The following DENND5B variants were observed in gnomAD, a reference collection of about 807,000 sequenced individuals.
DENND5B encodes the protein DENN domain containing 5B.
DENND5B carries 34 observed loss-of-function variants against 140.6 expected under a neutral mutation model. The observed-to-expected ratio is 0.24, with a 90% CI of 0.18 to 0.32. DENND5B has a LOEUF of 0.32. Ranked by LOEUF, DENND5B falls within the 10% of genes least tolerant of loss-of-function variation. The pLI, the probability that DENND5B is intolerant of heterozygous loss-of-function variation, is 1.00. For synonymous variants in DENND5B, 551 were observed against 562.1 expected (o/e 0.98, Z 0.28); for missense variants, 1,142 against 1,560.2 (o/e 0.73, Z 4.52).
chr12:31,496,902 T>G (rs7313118), intron 1 of DENND5B, among the ~76,000 whole-genome samples: 84,946 of 151,808 alleles, frequency 0.56, 24,217 homozygotes, highest in East Asian at 0.82. Flanking sequence ...ATCAAGGAAC[T>G]AGAAGATCTT....
chr12:31,424,737 A>G (rs760042694), intron 9 of DENND5B, 50 bp from the exon 10 acceptor site: 1 of 1,586,170 alleles, frequency 6.3e-7, no homozygotes, highest in Non-Finnish European at 8.6e-7. Context: ...GAAACCAAAA[A>G]CCAACAAGTC....
At chr12:31,568,586 T>C (rs1949710223) in intron 1 of DENND5B, among the ~76,000 whole-genome samples, 1 of 152,168 alleles carries the variant, frequency 6.6e-6, no homozygotes, top group Admixed American at 6.5e-5. Context: ...AAATCTCTTC[T>C]AAGGAAGGTG....
At chr12:31,392,717 G>A (rs1941213769) in intron 17 of DENND5B, 21 bp from the exon 18 acceptor site, 1 of 1,545,604 alleles carries the variant, frequency 6.5e-7, no homozygotes, top group South Asian at 1.2e-5. Flanking sequence ...ATAAACAGTG[G>A]CTGCATTCTC....
At chr12:31,494,918 A>G (rs1946699091) in intron 2 of DENND5B, among the ~76,000 whole-genome samples, 1 of 152,190 alleles carries the variant, frequency 6.6e-6, no homozygotes, top group South Asian at 2.1e-4. Flanking sequence ...TTCATTTTTA[A>G]TAAATCTCTG....
At chr12:31,549,037 A>G (rs1948951459) in intron 1 of DENND5B, among the ~76,000 whole-genome samples, 1 of 152,148 alleles carries the variant, frequency 6.6e-6, no homozygotes, top group Non-Finnish European at 1.5e-5. Context: ...CTCGGGGTAC[A>G]GGCACCTGCC....
At chr12:31,393,189 G>T (rs1165123841) in intron 17 of DENND5B, among the ~76,000 whole-genome samples, 1 of 152,034 alleles carries the variant, frequency 6.6e-6, no homozygotes, top group Non-Finnish European at 1.5e-5. Flanking sequence ...ATCTACCTAC[G>T]AGCCTGTTAG....
rs200820902 is a variant in DENND5B at position 31,511,238 on chromosome 12, C to CA, written c.128-15320dup. 1.6e-3 allele frequency among the ~76,000 whole-genome samples: 243 copies of CA among 149,146 alleles called. 1 individual carries two copies. The highest frequency in any genetic ancestry group is 5.0e-3 in the African/African-American group (204 of 40,666). On this transcript the variant is annotated intron_variant, in intron 1 of 20. Transcript: ENST00000389082. Reference sequence around the variant, plus strand: ...TGGGTGTCAGAGGGAGACCCTGTCTCAAAAAAAAACAAAGATTCTATTCAG... The same window carrying CA: ...TGGGTGTCAGAGGGAGACCCTGTCTCAAAAAAAAAACAAAGATTCTATTCAG...
At chr12:31,492,266 T>A (rs1197180822) in intron 2 of DENND5B, among the ~76,000 whole-genome samples, 1 of 152,256 alleles carries the variant, frequency 6.6e-6, no homozygotes, top group African/African-American at 2.4e-5. Flanking sequence ...AGGAAGCTGA[T>A]AATTACTTTA....
chr12:31,484,794 C>G (rs1404233091), intron 2 of DENND5B, among the ~76,000 whole-genome samples: 2 of 150,982 alleles, frequency 1.3e-5, no homozygotes, highest in Admixed American at 6.6e-5. Flanking sequence ...GAGTGAGACT[C>G]CATCTCAAAC....
chr12:31,440,466 G>A (rs1943982253), intron 7 of DENND5B, among the ~76,000 whole-genome samples: 1 of 152,198 alleles, frequency 6.6e-6, no homozygotes, highest in Non-Finnish European at 1.5e-5. Flanking sequence ...ATTTGCTTCT[G>A]TCTTGTAAGC....
rs554359670 is a variant in DENND5B at position 31,510,015 on chromosome 12, T to C, written c.128-14096A>G. The stretch of plus-strand genomic sequence containing the variant: ...GACCTACTTTAGTTTCTGAGGCTCC[T>C]GCACTTGAGCCACGCCAAATGACGT... On this transcript the variant is annotated intron_variant, in intron 1 of 20. Transcript: ENST00000389082. Among the ~76,000 whole-genome samples the C allele has an allele frequency of 4.6e-5, 7 of 152,346 alleles. No homozygotes were observed. In the South Asian group the frequency reaches 1.0e-3, roughly 23 times the overall value.
At chr12:31,548,132 T>G (rs2068598414) in intron 1 of DENND5B, among the ~76,000 whole-genome samples, 1 of 152,030 alleles carries the variant, frequency 6.6e-6, no homozygotes, top group African/African-American at 2.4e-5. Flanking sequence ...TGGGACACAT[T>G]TGTAATCCCA....
At chr12:31,558,140 C>T (rs763220413) in intron 1 of DENND5B, among the ~76,000 whole-genome samples, 3 of 152,200 alleles carry the variant, frequency 2.0e-5, no homozygotes, top group Non-Finnish European at 4.4e-5. Context: ...TAGAGATACT[C>T]AGACACTGAG....
intron 3 of DENND5B, among the ~76,000 whole-genome samples, chr12:31,463,416 T>C (rs778506139): frequency 1.3e-5 from 2 of 152,134 alleles, no homozygotes; most frequent in Non-Finnish European, 2.9e-5. Context: ...CAACCAAGGA[T>C]TGGGGCCTTT....
chr12:31,588,839 C>T (rs1471732910), intron 1 of DENND5B, among the ~76,000 whole-genome samples: 1 of 152,196 alleles, frequency 6.6e-6, no homozygotes, highest in Non-Finnish European at 1.5e-5. Flanking sequence ...CAGATAGATG[C>T]TTTCAAAACT....
intron 1 of DENND5B, among the ~76,000 whole-genome samples, chr12:31,523,500 A>G (rs76110756): frequency 0.02 from 3,116 of 152,184 alleles, 53 homozygotes; most frequent in South Asian, 0.052. Context: ...TATCTCTCAT[A>G]CCATTTCACC....
intron 1 of DENND5B, among the ~76,000 whole-genome samples, chr12:31,580,307 T>A (rs1450774220): frequency 2.0e-5 from 3 of 152,174 alleles, no homozygotes; most frequent in Non-Finnish European, 2.9e-5. Flanking sequence ...ATTTACCGTA[T>A]CTTATTTGAA....
chr12:31,516,457 A>G (rs945389860), intron 1 of DENND5B, among the ~76,000 whole-genome samples: 7 of 150,392 alleles, frequency 4.7e-5, no homozygotes, highest in African/African-American at 1.7e-4. Flanking sequence ...AGCCTGGACA[A>G]TAAGAGTGAG....
intron 1 of DENND5B, among the ~76,000 whole-genome samples, chr12:31,504,493 T>G (rs1435746855): frequency 6.6e-6 from 1 of 152,196 alleles, no homozygotes; most frequent in African/African-American, 2.4e-5. Context: ...GAGATTTCTA[T>G]AGCATGCTTG....
Sources: allele counts gnomAD v4.1 joint callset (sites outside exome capture counted in the v4.1 genomes callset), GRCh38; gene constraint gnomAD v4.1.1; transcripts MANE v1.5; gene names NCBI Gene and HGNC (gene_info 2026-07-23, HGNC 2026-07-21).